Variants in HSD17B4 observed in about 807,000 individuals in gnomAD.
HSD17B4 encodes the protein peroxisomal multifunctional enzyme type 2.
Under a neutral mutation model 101.0 loss-of-function variants are expected in HSD17B4, and 70 were observed. The observed-to-expected ratio is 0.69, with a 90% CI of 0.57 to 0.85. The LOEUF (loss-of-function observed/expected upper bound fraction) is 0.85, where lower values mean the gene tolerates loss of function less well. Among genes scored for constraint, HSD17B4 ranks in the 40% least tolerant of loss-of-function variants. HSD17B4 has a pLI of 0.00. For missense variants in HSD17B4, 984 were observed against 892.4 expected, an observed-to-expected ratio of 1.10 and a Z score of -1.31; for synonymous variants, 347 against 297.1, an observed-to-expected ratio of 1.17 and a Z score of -1.73.
In HSD17B4 at chr5:119,478,910, C is replaced by G; in HGVS notation, c.511C>G (p.Leu171Val). 6.2e-7 allele frequency: 1 copy of G among 1,613,630 alleles called. No individual in the cohort carries two copies. The highest frequency in any genetic ancestry group is 8.5e-7 in the Non-Finnish European group (1 of 1,179,678). The change falls in exon 8 of 24, where the codon CTT becomes GTT. Residue 171 changes from leucine to valine, a missense_variant. Transcript: ENST00000510025. ...QANYSAAKLG[L>V]LGLANSLAIE... Reference sequence around the variant, plus strand: ...CAATTATAGTGCTGCAAAGTTGGGTCTTCTGGGCCTTGCAAATTCTCTTGC... The same window carrying G: ...CAATTATAGTGCTGCAAAGTTGGGTGTTCTGGGCCTTGCAAATTCTCTTGC...
chr5:119,478,804 A>G (rs371272788), intron 7 of HSD17B4, 30 bp from the exon 8 acceptor site: 25 of 1,571,136 alleles, frequency 1.6e-5, no homozygotes, highest in South Asian at 2.2e-5. Flanking sequence ...TATGGAAAAG[A>G]TGATATTGAG....
chr5:119,515,976 T>C (rs1455835363), intron 17 of HSD17B4, among the ~76,000 whole-genome samples: 2 of 152,186 alleles, frequency 1.3e-5, no homozygotes, highest in African/African-American at 4.8e-5. Flanking sequence ...CACAATTATC[T>C]ATGTAACAAT....
intron 2 of HSD17B4, among the ~76,000 whole-genome samples, chr5:119,466,661 TTTTA>T (rs1186962721): frequency 1.3e-5 from 2 of 152,240 alleles, no homozygotes; most frequent in Middle Eastern, 3.4e-3. Context: ...TCATTTCTGA[TTTTA>T]TTTGTGTTTT....
chr5:119,475,642 T>A (rs1748509654), intron 4 of HSD17B4, 64 bp from the exon 5 acceptor site: 1 of 1,284,596 alleles, frequency 7.8e-7, no homozygotes, highest in Non-Finnish European at 1.1e-6. Context: ...GAAATGTGAG[T>A]TGTAAGCAAA....
intron 16 of HSD17B4, among the ~76,000 whole-genome samples, chr5:119,512,764 C>T (rs1413595919): frequency 6.6e-6 from 1 of 152,100 alleles, no homozygotes; most frequent in Admixed American, 6.5e-5. Flanking sequence ...ATATGAAATA[C>T]CCAGGTTAGG....
At chr5:119,540,092 A>G (rs1325545027) in intron 23 of HSD17B4, among the ~76,000 whole-genome samples, 5 of 152,128 alleles carry the variant, frequency 3.3e-5, no homozygotes, top group Admixed American at 6.6e-5. Context: ...GTGTCAATCA[A>G]TCAGTAGTTG....
intron 2 of HSD17B4, among the ~76,000 whole-genome samples, chr5:119,460,603 A>C (rs11748530): frequency 0.11 from 16,238 of 152,288 alleles, 1,155 homozygotes; most frequent in African/African-American, 0.2. Context: ...TAGACTTAAC[A>C]TCAAATAGAT....
chr5:119,502,097 G>C lies in HSD17B4; in HGVS notation c.1261+5G>C, dbSNP rs1468465073. On this transcript the variant is annotated splice_donor_5th_base_variant and intron_variant, in intron 14 of 23. Transcript: ENST00000510025. ...ATAAACCACTTCCCAGAGCAGGTGAGTTATTGATATACTAATTCCATAATA... is the reference window on the plus strand; with the variant it reads ...ATAAACCACTTCCCAGAGCAGGTGACTTATTGATATACTAATTCCATAATA... 1 of 1,544,498 alleles carries C rather than the reference G, an allele frequency of 6.5e-7. No individual in the cohort carries two copies. The highest frequency in any genetic ancestry group is 9.0e-7 in the Non-Finnish European group (1 of 1,116,904).
chr5:119,534,647 G>GT (rs1754389351), intron 22 of HSD17B4, among the ~76,000 whole-genome samples: 1 of 152,064 alleles, frequency 6.6e-6, no homozygotes, highest in South Asian at 2.1e-4. Context: ...AATCTCAAGG[G>GT]TGTTGGTTCC....
At chr5:119,488,483 G>C (rs1237868071) in intron 8 of HSD17B4, among the ~76,000 whole-genome samples, 1 of 152,056 alleles carries the variant, frequency 6.6e-6, no homozygotes, top group Non-Finnish European at 1.5e-5. Flanking sequence ...TAGAAGAGAA[G>C]ATTTATAATG....
At chr5:119,523,638 C>T (rs1196020769) in intron 17 of HSD17B4, among the ~76,000 whole-genome samples, 1 of 152,080 alleles carries the variant, frequency 6.6e-6, no homozygotes, top group Non-Finnish European at 1.5e-5. Flanking sequence ...TTCTTCAGAA[C>T]ACTGTATTCA....
chr5:119,465,460 G>A (rs907773708), intron 2 of HSD17B4, among the ~76,000 whole-genome samples: 1 of 152,152 alleles, frequency 6.6e-6, no homozygotes, highest in African/African-American at 2.4e-5. Flanking sequence ...TGATGCACTT[G>A]CTCCCCCTTT....
intron 17 of HSD17B4, among the ~76,000 whole-genome samples, chr5:119,522,945 A>T (rs1481167115): frequency 6.6e-6 from 1 of 152,018 alleles, no homozygotes; most frequent in Admixed American, 6.6e-5. Flanking sequence ...TCCCTCTTCC[A>T]TGCACTGCTT....
chr5:119,482,880 C>T (rs1030798239), intron 8 of HSD17B4, among the ~76,000 whole-genome samples: 3 of 151,332 alleles, frequency 2.0e-5, no homozygotes, highest in African/African-American at 7.3e-5. Flanking sequence ...TTGGGACCTT[C>T]AGAAGACTTT....
At chr5:119,482,276 G>T (rs374488769) in intron 8 of HSD17B4, among the ~76,000 whole-genome samples, 1 of 151,884 alleles carries the variant, frequency 6.6e-6, no homozygotes, top group African/African-American at 2.4e-5. Context: ...TTTCTTTTAC[G>T]ATGGTTTTGA....
chr5:119,475,892 T>C, intron 6 of HSD17B4, 22 bp downstream of exon 6: 3 of 1,526,200 alleles, frequency 2.0e-6, no homozygotes, highest in Non-Finnish European at 2.7e-6. Context: ...TTAGTATTTC[T>C]CTGGGGAACA....
chr5:119,537,934 C>G (rs1252021670), intron 23 of HSD17B4, among the ~76,000 whole-genome samples: 1 of 152,060 alleles, frequency 6.6e-6, no homozygotes, highest in Non-Finnish European at 1.5e-5. Context: ...TCTAAGGTAC[C>G]TGAAATGCCT....
intron 1 of HSD17B4, 197 bp downstream of exon 1, chr5:119,452,830 C>A: frequency 6.5e-7 from 1 of 1,535,940 alleles, no homozygotes; most frequent in East Asian, 2.4e-5. Flanking sequence ...AGGTACAGCC[C>A]GCTTCTCCCC....
intron 6 of HSD17B4, among the ~76,000 whole-genome samples, chr5:119,477,089 A>G (rs1561443385): frequency 6.6e-6 from 1 of 152,200 alleles, no homozygotes; most frequent in Non-Finnish European, 1.5e-5. Context: ...GGTGCCAGTT[A>G]TATTTATAAA....
Sources: allele counts gnomAD v4.1 joint callset (sites outside exome capture counted in the v4.1 genomes callset), GRCh38; gene constraint gnomAD v4.1.1; transcripts MANE v1.5; gene names NCBI Gene and HGNC (gene_info 2026-07-23, HGNC 2026-07-21).